Variants in AGPAT3 observed in about 807,000 individuals in gnomAD.
AGPAT3 encodes 1-acyl-sn-glycerol-3-phosphate acyltransferase gamma.
Under a neutral mutation model 47.3 loss-of-function variants are expected in AGPAT3, and 5 were observed. The observed-to-expected ratio is 0.11, with a 90% CI of 0.06 to 0.22. The LOEUF (loss-of-function observed/expected upper bound fraction) is 0.22, where lower values mean the gene tolerates loss of function less well. Ranked by LOEUF, AGPAT3 falls within the 10% of genes least tolerant of loss-of-function variation. The pLI is 1.00. For missense variants in AGPAT3, 315 were observed against 493.0 expected, an observed-to-expected ratio of 0.64 and a Z score of 3.42; for synonymous variants, 212 against 208.3, an observed-to-expected ratio of 1.02 and a Z score of -0.15.
At position 43,985,397 on chromosome 21, in the gene AGPAT3, TAAA is replaced by T. The variant is rs112367723; in HGVS notation, c.*3018_*3020del. 5.3e-3 allele frequency: 1,437 copies of T among 273,348 alleles called. No homozygotes were observed. The highest frequency in any genetic ancestry group is 8.0e-3 in the South Asian group (260 of 32,592). 16.9% of individuals were successfully genotyped at this position (273,348 alleles called of 1,614,324 possible). A position where few individuals can be genotyped will look rare whatever the true frequency, so the allele number is the denominator to read the frequency against. ...ACAATGTAAGCAGCACTTTCTTGTG[TAAA>T]AAAAAAAAAAAAGCACGTCCTGTCG... is the stretch of plus-strand genomic sequence containing the variant. On this transcript the variant is annotated 3_prime_UTR_variant, in exon 10 of 10. Coordinates refer to ENST00000291572, the MANE Select transcript of AGPAT3 (RefSeq NM_020132.5).
chr21:43,921,521 C>T (rs529065888), intron 2 of AGPAT3, among the ~76,000 whole-genome samples: 13 of 152,264 alleles, frequency 8.5e-5, no homozygotes, highest in African/African-American at 2.2e-4. Context: ...CGAGCCCTGG[C>T]GCCATGGGAT....
chr21:43,968,632 G>T (rs1438688994), intron 4 of AGPAT3, among the ~76,000 whole-genome samples: 4 of 152,040 alleles, frequency 2.6e-5, no homozygotes, highest in Admixed American at 6.5e-5. Flanking sequence ...GTGCCTGGCT[G>T]GTTGAGGGGC....
rs1173610504 is a variant in AGPAT3 at position 43,987,537 on chromosome 21, A to G, written c.*5145A>G. ...CATTCATCTGTGGAGAAAACCAAGG[A>G]ACCCCTTTCTCTTCTTTATTAAAAA... On this transcript the variant is annotated 3_prime_UTR_variant, in exon 10 of 10. Transcript: ENST00000291572. Among the ~76,000 whole-genome samples the G allele has an allele frequency of 1.3e-5, 2 of 152,252 alleles. No homozygotes were observed. Among genetic ancestry groups the G allele is most frequent in the Non-Finnish European group, 2.9e-5 (2 of 68,050 alleles).
At chr21:43,942,557 G>C (rs79746389) in intron 2 of AGPAT3, among the ~76,000 whole-genome samples, 3,264 of 152,340 alleles carry the variant, frequency 0.021, 116 homozygotes, top group African/African-American at 0.075. Flanking sequence ...CTCTCTGAGC[G>C]TGGGGTTCTA....
At chr21:43,963,770 G>C (rs2088992807) in intron 3 of AGPAT3, among the ~76,000 whole-genome samples, 1 of 150,412 alleles carries the variant, frequency 6.6e-6, no homozygotes, top group South Asian at 2.1e-4. Flanking sequence ...GAAAGCTGGA[G>C]AACCACGCTG....
At chr21:43,898,248 A>G (rs1417341358) in intron 1 of AGPAT3, among the ~76,000 whole-genome samples, 1 of 152,246 alleles carries the variant, frequency 6.6e-6, no homozygotes. Context: ...GTTGAAATAT[A>G]CCATCTTATA....
At chr21:43,886,732 A>G (rs1216410068) in intron 1 of AGPAT3, among the ~76,000 whole-genome samples, 1 of 152,226 alleles carries the variant, frequency 6.6e-6, no homozygotes, top group African/African-American at 2.4e-5. Context: ...TGCACTTAAT[A>G]TAATGAGCTC....
intron 1 of AGPAT3, among the ~76,000 whole-genome samples, chr21:43,879,354 A>G (rs1349406023): frequency 6.6e-6 from 1 of 151,474 alleles, no homozygotes; most frequent in African/African-American, 2.4e-5. Flanking sequence ...TCTCAAAAAA[A>G]AAAAAAAAAA....
chr21:43,894,954 C>T (rs1230166664), intron 1 of AGPAT3, among the ~76,000 whole-genome samples: 2 of 152,060 alleles, frequency 1.3e-5, no homozygotes, highest in African/African-American at 4.8e-5. Flanking sequence ...TTTATTGATC[C>T]TTTCAGAGAA....
rs1001957328 is a variant in AGPAT3 at position 43,954,966 on chromosome 21, C to T, written c.-48-4668C>T. ...CCAGAGACTGGCCGCTTTGTGACACCGAGGACGGTTGATAAAGTGGATTCT... is the reference window on the plus strand; with the variant it reads ...CCAGAGACTGGCCGCTTTGTGACACTGAGGACGGTTGATAAAGTGGATTCT... On this transcript the variant is annotated intron_variant, in intron 2 of 9. Coordinates refer to ENST00000291572, the MANE Select transcript of AGPAT3 (RefSeq NM_020132.5). This position sits in a 1 kb window ranked among gnomAD's most constrained non-coding sequence, Gnocchi z 4.0. The T allele has an allele frequency of 2.9e-5, 32 of 1,092,816 alleles. No individual in the cohort carries two copies. Among genetic ancestry groups the T allele is most frequent in the African/African-American group, 3.4e-5 (2 of 59,618 alleles). 67.7% of individuals were successfully genotyped at this position (1,092,816 alleles called of 1,614,324 possible). A position where few individuals can be genotyped will look rare whatever the true frequency, so the allele number is the denominator to read the frequency against.
chr21:43,871,192 C>T (rs1422938280), intron 1 of AGPAT3, among the ~76,000 whole-genome samples: 1 of 152,194 alleles, frequency 6.6e-6, no homozygotes, highest in Non-Finnish European at 1.5e-5. Flanking sequence ...ACAAAACACG[C>T]ATTTCCAAAA....
At chr21:43,977,153 CCATTT>C (rs764420330) in intron 7 of AGPAT3, among the ~76,000 whole-genome samples, 120 of 152,210 alleles carry the variant, frequency 7.9e-4, no homozygotes, top group Non-Finnish European at 1.5e-3. Context: ...GGCTGCTAAT[CCATTT>C]GGTAGATTAG....
Position 43,977,987 on chromosome 21 carries a change from C to G in AGPAT3, c.768-59C>G, listed in dbSNP as rs1447739541. 2.1e-6 allele frequency: 3 copies of G among 1,456,266 alleles called. No individual in the cohort carries two copies. The African/African-American group carries it at 4.2e-5, about 20-fold the overall frequency. 90.2% of individuals were successfully genotyped at this position (1,456,266 alleles called of 1,614,324 possible). A position where few individuals can be genotyped will look rare whatever the true frequency, so the allele number is the denominator to read the frequency against. On this transcript the variant is annotated intron_variant, in intron 7 of 9. Transcript: ENST00000291572. ...CACACGACATGTTCCCCTGTGCCCT[C>G]TTTCTAGTGTGAGGTCATGTGGTGA...
In AGPAT3 at chr21:43,961,525, G is replaced by A. The variant is rs1368470107; in HGVS notation, c.178+1666G>A. On this transcript the variant is annotated intron_variant, in intron 3 of 9. Coordinates refer to ENST00000291572, the MANE Select transcript of AGPAT3 (RefSeq NM_020132.5). ...GTAGACACTTTGTCTCGTGGGAAAC[G>A]GTGAGCGCGTATACACTTTGTCTCA... Among the ~76,000 whole-genome samples, 35 of 58,216 alleles carry A rather than the reference G, an allele frequency of 6.0e-4. 1 individual carries two copies. The highest frequency in any genetic ancestry group is 2.5e-3 in the Admixed American group (13 of 5,256). The allele number at this position is 58,216 out of a possible 152,430, so 38.2% of individuals were successfully genotyped here.
intron 7 of AGPAT3, among the ~76,000 whole-genome samples, chr21:43,975,385 G>A (rs1353045598): frequency 2.0e-5 from 3 of 149,118 alleles, no homozygotes; most frequent in Admixed American, 6.6e-5. Flanking sequence ...GGCATGTGTC[G>A]GTGTGTGCAC....
intron 1 of AGPAT3, among the ~76,000 whole-genome samples, chr21:43,867,906 C>T (rs1041707482): frequency 3.9e-5 from 6 of 152,102 alleles, no homozygotes; most frequent in African/African-American, 1.4e-4. Context: ...TTAAACGGGT[C>T]GTTTCAAGTG....
rs1004193584 is a variant in AGPAT3 at position 43,932,202 on chromosome 21, G to A, written c.-48-27432G>A. Among the ~76,000 whole-genome samples the A allele has an allele frequency of 2.6e-5, 4 of 152,254 alleles. No individual in the cohort carries two copies. Among genetic ancestry groups the A allele is most frequent in the African/African-American group, 4.8e-5 (2 of 41,544 alleles). ...GTCGCCACGCAGCGCGGCCGATCAC[G>A]AACACGTCCCTCCAGTCTAACTGAA... On this transcript the variant is annotated intron_variant, in intron 2 of 9. Coordinates refer to ENST00000291572, the MANE Select transcript of AGPAT3 (RefSeq NM_020132.5). The surrounding 1 kb of genome is among the most constrained non-coding windows in gnomAD (Gnocchi z 5.2).
chr21:43,959,215 TGTG>T (rs1412858492), intron 2 of AGPAT3, among the ~76,000 whole-genome samples: 3 of 127,764 alleles, frequency 2.3e-5, no homozygotes, highest in Non-Finnish European at 4.8e-5. Context: ...ATGTGTGGCA[TGTG>T]GGGTTTGTGA....
Position 43,970,640 on chromosome 21 carries a change from G to T in AGPAT3, c.511-13G>T, listed in dbSNP as rs753631701. 61 of 1,613,034 alleles carry T rather than the reference G, an allele frequency of 3.8e-5. No individual in the cohort carries two copies. In the South Asian group the frequency reaches 6.6e-4, roughly 17 times the overall value. On this transcript the variant is annotated splice_polypyrimidine_tract_variant and intron_variant, in intron 5 of 9. Coordinates refer to ENST00000291572, the MANE Select transcript of AGPAT3 (RefSeq NM_020132.5). This position sits in a 1 kb window ranked among gnomAD's most constrained non-coding sequence, Gnocchi z 5.8. The stretch of plus-strand genomic sequence containing the variant: ...TGCTCTGTGGAGTGACCCTGTCTCC[G>T]TGTTGATCCTAGTTTCTCCTGTACT...
Sources: gnomAD v4.1 joint callset for allele counts (sites outside exome capture counted in the v4.1 genomes callset) on GRCh38, gnomAD v4.1.1 for gene constraint, Gnocchi (gnomAD v3.1) non-coding constraint, MANE v1.5 for transcripts, NCBI Gene and HGNC (gene_info 2026-07-23, HGNC 2026-07-21) for gene names.